EPHA5: variants seen among roughly 807,000 people sequenced by gnomAD.
EPHA5 encodes ephrin type-A receptor 5.
EPHA5 carries 60 observed loss-of-function variants against 105.0 expected under a neutral mutation model. The observed-to-expected ratio is 0.57, with a 90% CI of 0.46 to 0.71. The LOEUF is 0.71. Ranked by LOEUF, EPHA5 falls within the 30% of genes least tolerant of loss-of-function variation. The pLI, the probability that EPHA5 is intolerant of heterozygous loss-of-function variation, is 0.00. For missense variants in EPHA5, 1,218 were observed against 1,274.7 expected, an observed-to-expected ratio of 0.96 and a Z score of 0.68; for synonymous variants, 513 against 449.1, an observed-to-expected ratio of 1.14 and a Z score of -1.80.
intron 4 of EPHA5, 148 bp from the exon 5 acceptor site, chr4:65,490,860 G>A (rs1003048028): frequency 1.4e-5 from 12 of 880,338 alleles, no homozygotes; most frequent in Non-Finnish European, 1.2e-5. Context: ...TCATAATTTT[G>A]TAGGGACAAT....
In EPHA5 at chr4:65,391,509, C is replaced by T. The variant is rs142806873; in HGVS notation, c.1793+12865G>A. Among the ~76,000 whole-genome samples the T allele has an allele frequency of 1.5e-4, 23 of 152,190 alleles. No homozygotes were observed. The East Asian group carries it at 3.7e-3, about 24-fold the overall frequency. ...CATTTTTCAACAATGAGTATACTTC[C>T]AGACATGGCTCAGGAAATTAACTGA... On this transcript the variant is annotated intron_variant, in intron 8 of 16. Transcript: ENST00000613740.
chr4:65,587,922 T>G (rs1396356965), intron 3 of EPHA5, among the ~76,000 whole-genome samples: 1 of 152,140 alleles, frequency 6.6e-6, no homozygotes, highest in Non-Finnish European at 1.5e-5. Context: ...GTGCAGCTCC[T>G]ACAACAACAG....
intron 3 of EPHA5, among the ~76,000 whole-genome samples, chr4:65,522,088 T>C (rs1301380713): frequency 6.6e-6 from 1 of 151,904 alleles, no homozygotes; most frequent in Non-Finnish European, 1.5e-5. Flanking sequence ...GAAAAAAAAC[T>C]AAGATCTCAC....
intron 3 of EPHA5, among the ~76,000 whole-genome samples, chr4:65,527,239 TAGAA>T (rs1360366299): frequency 1.3e-5 from 2 of 152,052 alleles, no homozygotes; most frequent in African/African-American, 4.8e-5. Context: ...GCGAAAAAAT[TAGAA>T]AGAACCTATA....
chr4:65,550,161 C>T (rs1456331160), intron 3 of EPHA5, among the ~76,000 whole-genome samples: 9 of 151,246 alleles, frequency 6.0e-5, no homozygotes, highest in Non-Finnish European at 1.0e-4. Context: ...AAATTTTTTT[C>T]TTTACTGAAC....
rs1729551746 is a variant in EPHA5 at position 65,474,033 on chromosome 4, G to T, written c.1402+16344C>A. Among the ~76,000 whole-genome samples the T allele has an allele frequency of 2.7e-5, 4 of 150,736 alleles. No individual in the cohort carries two copies. In the East Asian group the frequency reaches 5.9e-4, roughly 22 times the overall value. On this transcript the variant is annotated intron_variant, in intron 5 of 16. Coordinates refer to ENST00000613740, the MANE Select transcript of EPHA5 (RefSeq NM_001281766.3). ...CGGGGCCTGTTGTGGGGTGGGGGGA[G>T]AGGGGAGGGATAGCATTAGGAGATA...
intron 11 of EPHA5, among the ~76,000 whole-genome samples, chr4:65,361,970 T>C (rs1289694456): frequency 6.6e-6 from 1 of 151,582 alleles, no homozygotes; most frequent in Admixed American, 6.6e-5. Context: ...TTTATCTTCT[T>C]CCCAAATCTC....
chr4:65,650,477 G>A (rs1247772613), intron 1 of EPHA5, among the ~76,000 whole-genome samples: 1 of 150,342 alleles, frequency 6.7e-6, no homozygotes, highest in African/African-American at 2.5e-5. Flanking sequence ...GGAGAATGGC[G>A]TGAACTTAGG....
intron 3 of EPHA5, among the ~76,000 whole-genome samples, chr4:65,592,672 C>T (rs1742784778): frequency 6.6e-6 from 1 of 152,114 alleles, no homozygotes; most frequent in Admixed American, 6.6e-5. Context: ...GATGCAAATT[C>T]ATATTAGCCA....
At chr4:65,625,425 A>T (rs1206750115) in intron 2 of EPHA5, among the ~76,000 whole-genome samples, 1 of 152,226 alleles carries the variant, frequency 6.6e-6, no homozygotes, top group Non-Finnish European at 1.5e-5. Flanking sequence ...AGGCAGATAC[A>T]ATCATACAGT....
At chr4:65,325,591 T>C (rs976124351) in intron 16 of EPHA5, among the ~76,000 whole-genome samples, 4 of 151,226 alleles carry the variant, frequency 2.6e-5, no homozygotes, top group Admixed American at 2.0e-4. Flanking sequence ...AAAATAATAA[T>C]AGCGGTAGAG....
chr4:65,426,030 A>G (rs1034299365), intron 5 of EPHA5, among the ~76,000 whole-genome samples: 17 of 152,090 alleles, frequency 1.1e-4, no homozygotes, highest in Non-Finnish European at 2.9e-5. Context: ...TTTTTCTCTT[A>G]ATTGGACTAC....
intron 15 of EPHA5, among the ~76,000 whole-genome samples, chr4:65,334,624 C>T (rs1720995840): frequency 6.6e-6 from 1 of 151,820 alleles, no homozygotes; most frequent in African/African-American, 2.4e-5. Context: ...ATGCACATGA[C>T]TGAATAAAGG....
chr4:65,620,108 GTATA>G (rs34861369), intron 2 of EPHA5, among the ~76,000 whole-genome samples: 16 of 137,350 alleles, frequency 1.2e-4, no homozygotes, highest in South Asian at 2.4e-4. Flanking sequence ...TTGGACTCAG[GTATA>G]TATATATATA....
At chr4:65,638,048 T>C (rs1459119463) in intron 2 of EPHA5, among the ~76,000 whole-genome samples, 1 of 152,144 alleles carries the variant, frequency 6.6e-6, no homozygotes, top group African/African-American at 2.4e-5. Flanking sequence ...TAAGCCCAGA[T>C]TTGAGGTAGA....
chr4:65,381,621 T>C (rs1016739221), intron 8 of EPHA5, among the ~76,000 whole-genome samples: 3 of 151,868 alleles, frequency 2.0e-5, no homozygotes, highest in Non-Finnish European at 4.4e-5. Context: ...ACAATGTTAA[T>C]AGTTTTATAC....
intron 3 of EPHA5, among the ~76,000 whole-genome samples, chr4:65,576,469 T>A (rs534770754): frequency 6.6e-6 from 1 of 152,340 alleles, no homozygotes; most frequent in African/African-American, 2.4e-5. Context: ...TGTTATGTTC[T>A]GCAAAATGTA....
At chr4:65,477,921 T>C (rs545904849) in intron 5 of EPHA5, among the ~76,000 whole-genome samples, 133 of 152,292 alleles carry the variant, frequency 8.7e-4, no homozygotes, top group African/African-American at 2.9e-3. Context: ...ACGTGCTTTT[T>C]TGGAAATGAG....
intron 16 of EPHA5, among the ~76,000 whole-genome samples, chr4:65,326,615 A>G (rs1010737964): frequency 2.0e-5 from 3 of 151,290 alleles, no homozygotes; most frequent in Non-Finnish European, 4.4e-5. Flanking sequence ...AGCAAACTGG[A>G]TCACAGCCAA....
Sources: gnomAD v4.1 joint callset for allele counts (sites outside exome capture counted in the v4.1 genomes callset) on GRCh38, gnomAD v4.1.1 for gene constraint, MANE v1.5 for transcripts, NCBI Gene and HGNC (gene_info 2026-07-23, HGNC 2026-07-21) for gene names.